ADARB2: variants seen among roughly 807,000 people sequenced by gnomAD.
ADARB2 encodes inactive double-stranded RNA-specific editase B2.
In ADARB2, 25 loss-of-function variants were observed where a neutral mutation model predicts 62.2. The observed-to-expected ratio is 0.40, with a 90% CI of 0.29 to 0.56. The LOEUF (loss-of-function observed/expected upper bound fraction) is 0.56. Ranked by LOEUF, ADARB2 falls within the 20% of genes least tolerant of loss-of-function variation. ADARB2 has a pLI of 0.43. For missense variants in ADARB2, 1,071 were observed against 1,077.4 expected, an observed-to-expected ratio of 0.99 and a Z score of 0.08; for synonymous variants, 572 against 500.8, an observed-to-expected ratio of 1.14 and a Z score of -1.90.
Position 1,287,691 on chromosome 10 carries a change from T to C in ADARB2, c.1078-16622A>G, listed in dbSNP as rs1001397306. Among the ~76,000 whole-genome samples the C allele has an allele frequency of 3.9e-5, 6 of 152,248 alleles. 1 individual carries two copies. The highest frequency in any genetic ancestry group is 1.4e-4 in the African/African-American group (6 of 41,462). ...TTTAGTGAAATCATCAGTCTATTTT[T>C]GGTGAGGAAATGCTCATCAGTGAAA... On this transcript the variant is annotated intron_variant, in intron 3 of 9. Coordinates refer to ENST00000381312, the MANE Select transcript of ADARB2 (RefSeq NM_018702.4).
At chr10:1,366,627 A>T (rs1342476589) in intron 2 of ADARB2, among the ~76,000 whole-genome samples, 1 of 152,200 alleles carries the variant, frequency 6.6e-6, no homozygotes, top group Non-Finnish European at 1.5e-5. Context: ...AGTGCAGTTC[A>T]GTCCTAGGCA....
At chr10:1,277,949 C>T (rs917689294) in intron 3 of ADARB2, among the ~76,000 whole-genome samples, 3 of 149,878 alleles carry the variant, frequency 2.0e-5, no homozygotes, top group African/African-American at 7.3e-5. Flanking sequence ...TCCTTCCTTC[C>T]TTCCCCTCTT....
chr10:1,581,424 A>C (rs1356304305), intron 1 of ADARB2, among the ~76,000 whole-genome samples: 1 of 152,034 alleles, frequency 6.6e-6, no homozygotes. Flanking sequence ...TGGCCTCTTC[A>C]CTCCCAGAGC....
intron 1 of ADARB2, among the ~76,000 whole-genome samples, chr10:1,494,393 T>C (rs61831911): frequency 0.16 from 23,689 of 152,168 alleles, 2,220 homozygotes; most frequent in Middle Eastern, 0.23. Context: ...AGATGGTAAA[T>C]GGAAATGGTG....
chr10:1,420,545 T>C (rs1388100146), intron 1 of ADARB2, among the ~76,000 whole-genome samples: 1 of 147,008 alleles, frequency 6.8e-6, no homozygotes, highest in East Asian at 2.0e-4. Context: ...CTCAGGACCA[T>C]GGTTTTTCAT....
At chr10:1,252,317 C>G (rs1354930639) in intron 4 of ADARB2, among the ~76,000 whole-genome samples, 1 of 152,132 alleles carries the variant, frequency 6.6e-6, no homozygotes, top group Non-Finnish European at 1.5e-5. Flanking sequence ...GTAGACTGCC[C>G]CAAGGGTGTC....
At chr10:1,628,801 A>G (rs1189745409) in intron 1 of ADARB2, among the ~76,000 whole-genome samples, 1 of 152,254 alleles carries the variant, frequency 6.6e-6, no homozygotes, top group East Asian at 1.9e-4. Flanking sequence ...AAATGAAACC[A>G]GTCCCGCCAT....
intron 6 of ADARB2, among the ~76,000 whole-genome samples, chr10:1,221,876 CAT>C (rs1491262095): frequency 2.6e-5 from 4 of 152,100 alleles, no homozygotes; most frequent in African/African-American, 4.8e-5. Context: ...CCACAATAAA[CAT>C]GTGTGCATAT....
intron 3 of ADARB2, among the ~76,000 whole-genome samples, chr10:1,327,632 A>C (rs1211987323): frequency 1.3e-3 from 110 of 86,818 alleles, no homozygotes; most frequent in African/African-American, 5.2e-3. Context: ...TCCCCACGGC[A>C]CAGCGCCTCC....
intron 1 of ADARB2, among the ~76,000 whole-genome samples, chr10:1,380,892 G>T (rs954534392): frequency 2.0e-5 from 3 of 152,136 alleles, no homozygotes; most frequent in African/African-American, 4.8e-5. Flanking sequence ...TCAGTCTGGA[G>T]GATCTCAAGA....
chr10:1,665,177 A>T (rs1220342994), intron 1 of ADARB2, among the ~76,000 whole-genome samples: 3 of 152,256 alleles, frequency 2.0e-5, no homozygotes, highest in Non-Finnish European at 4.4e-5. Context: ...CTAACTTCCA[A>T]CTTCAACATC....
At chr10:1,678,732 C>T (rs747460841) in intron 1 of ADARB2, among the ~76,000 whole-genome samples, 2 of 151,976 alleles carry the variant, frequency 1.3e-5, no homozygotes, top group African/African-American at 2.4e-5. Context: ...GGAGTTTGCC[C>T]GAGGTGCAGC....
At chr10:1,482,596 G>T (rs1041087524) in intron 1 of ADARB2, among the ~76,000 whole-genome samples, 3 of 152,156 alleles carry the variant, frequency 2.0e-5, no homozygotes, top group African/African-American at 7.2e-5. Flanking sequence ...TGGATGGTGA[G>T]GTGTTGGCAC....
chr10:1,518,169 G>C (rs1041588329), intron 1 of ADARB2, among the ~76,000 whole-genome samples: 4 of 152,184 alleles, frequency 2.6e-5, no homozygotes. Context: ...GAAACTCCCC[G>C]ATCAGATCAG....
At chr10:1,569,154 G>A (rs1832902309) in intron 1 of ADARB2, among the ~76,000 whole-genome samples, 1 of 151,832 alleles carries the variant, frequency 6.6e-6, no homozygotes, top group Non-Finnish European at 1.5e-5. Context: ...GAGTCAGAGA[G>A]AGACAGAGAT....
chr10:1,260,658 C>T, intron 4 of ADARB2, among the ~76,000 whole-genome samples: 1 of 151,310 alleles, frequency 6.6e-6, no homozygotes, highest in East Asian at 1.9e-4. Context: ...AAAGAGGATA[C>T]AAACAAATGG....
chr10:1,498,401 A>G (rs1436847095), intron 1 of ADARB2, among the ~76,000 whole-genome samples: 2 of 151,652 alleles, frequency 1.3e-5, no homozygotes, highest in Non-Finnish European at 2.9e-5. Context: ...TAAATAAATA[A>G]ATAAATAAGT....
chr10:1,347,623 C>T (rs1475526008), intron 3 of ADARB2, among the ~76,000 whole-genome samples: 2 of 152,182 alleles, frequency 1.3e-5, no homozygotes, highest in Non-Finnish European at 2.9e-5. Flanking sequence ...CAGCCCTCAC[C>T]TCAGCTCTTC....
chr10:1,207,665 C>T (rs1291158513), intron 7 of ADARB2, among the ~76,000 whole-genome samples: 6 of 152,108 alleles, frequency 3.9e-5, no homozygotes, highest in South Asian at 2.1e-4. Context: ...CAGCCAGTGC[C>T]GTATTCCCCA....
Sources: allele counts gnomAD v4.1 joint callset (sites outside exome capture counted in the v4.1 genomes callset), GRCh38; gene constraint gnomAD v4.1.1; transcripts MANE v1.5; gene names NCBI Gene and HGNC (gene_info 2026-07-23, HGNC 2026-07-21).